Variants in EIF4G3 observed in about 807,000 individuals in gnomAD.
EIF4G3 encodes the protein eIF-4-gamma 3.
EIF4G3 carries 34 observed loss-of-function variants against 186.4 expected under a neutral mutation model. The ratio of observed to expected loss-of-function variants is 0.18; its 90% CI spans 0.14 to 0.24. EIF4G3 has a LOEUF of 0.24. Among genes scored for constraint, EIF4G3 ranks in the 10% least tolerant of loss-of-function variants. The pLI, the probability that EIF4G3 is intolerant of heterozygous loss-of-function variation, is 1.00. For synonymous variants in EIF4G3, 673 were observed against 679.5 expected, an observed-to-expected ratio of 0.99 and a Z score of 0.15; for missense variants, 1,536 against 1,948.5, an observed-to-expected ratio of 0.79 and a Z score of 3.99.
chr1:20,946,133 G>T (rs1349135454), intron 13 of EIF4G3, among the ~76,000 whole-genome samples: 1 of 152,184 alleles, frequency 6.6e-6, no homozygotes, highest in Admixed American at 6.5e-5. Context: ...TGAGCATCCT[G>T]CAATTTGAGG....
intron 9 of EIF4G3, 95 bp downstream of exon 9, chr1:20,980,953 T>C (rs2077824989): frequency 1.9e-6 from 2 of 1,051,818 alleles, no homozygotes; most frequent in African/African-American, 3.2e-5. Flanking sequence ...CACCGAAAAC[T>C]AATACCACAA....
At chr1:21,093,033 G>A (rs2101471076) in intron 2 of EIF4G3, among the ~76,000 whole-genome samples, 1 of 152,274 alleles carries the variant, frequency 6.6e-6, no homozygotes, top group South Asian at 2.1e-4. Context: ...TCAGGACACA[G>A]GCATGGGCAA....
At chr1:21,025,182 T>C (rs1316321527) in intron 4 of EIF4G3, among the ~76,000 whole-genome samples, 2 of 152,014 alleles carry the variant, frequency 1.3e-5, no homozygotes, top group African/African-American at 4.8e-5. Context: ...TAGAAGTGCA[T>C]GAGGTAGAGT....
At chr1:21,068,394 A>AAAAAAAAAAAAAAAAAAAC (rs1572033310) in intron 3 of EIF4G3, among the ~76,000 whole-genome samples, 1 of 149,638 alleles carries the variant, frequency 6.7e-6, no homozygotes, top group Non-Finnish European at 1.5e-5. Context: ...AAAAAAAAAA[A>AAAAAAAAAAAAAAAAAAAC]AAAAAACAGA....
intron 10 of EIF4G3, among the ~76,000 whole-genome samples, chr1:20,976,162 TTTTATTTTA>T (rs2154566160): frequency 6.7e-6 from 1 of 149,838 alleles, no homozygotes; most frequent in East Asian, 2.1e-4. Context: ...TGGTTTGTAT[TTTTATTTTA>T]TTTATTTATT....
intron 12 of EIF4G3, among the ~76,000 whole-genome samples, chr1:20,957,349 TGATAC>T (rs1273130375): frequency 6.6e-6 from 1 of 152,104 alleles, no homozygotes. Flanking sequence ...ATGATAATAA[TGATAC>T]AAGTTATCAA....
intron 2 of EIF4G3, among the ~76,000 whole-genome samples, chr1:21,139,437 A>C (rs10799685): frequency 0.6 from 90,586 of 151,732 alleles, 27,352 homozygotes; most frequent in East Asian, 0.76. Context: ...CCTGGGTGAC[A>C]GAGTGAGACC....
At chr1:20,883,133 A>G (rs1344639068) in intron 19 of EIF4G3, among the ~76,000 whole-genome samples, 1 of 152,160 alleles carries the variant, frequency 6.6e-6, no homozygotes, top group Non-Finnish European at 1.5e-5. Flanking sequence ...GATGTCCAGT[A>G]AATTCTGTGT....
intron 2 of EIF4G3, among the ~76,000 whole-genome samples, chr1:21,122,845 A>G (rs1252677847): frequency 5.3e-5 from 8 of 152,230 alleles, no homozygotes; most frequent in African/African-American, 1.9e-4. Context: ...TATACTAGTA[A>G]TAATGCTGTT....
At chr1:21,116,909 A>G (rs1330272799) in intron 2 of EIF4G3, among the ~76,000 whole-genome samples, 2 of 151,876 alleles carry the variant, frequency 1.3e-5, no homozygotes. Context: ...TATTATTTTT[A>G]TAATTTTCCA....
rs542549724 is a variant in EIF4G3 at position 20,913,857 on chromosome 1, A to C, written c.1664-8886T>G. On this transcript the variant is annotated intron_variant, in intron 14 of 36. Coordinates refer to ENST00000602326, the MANE Select transcript of EIF4G3 (RefSeq NM_001391906.1). Reference sequence around the variant, plus strand: ...AGTCTTGCTCTGTCACCCAGCCTGGAGTGCAGTGGTGCGATCTCGGCTCAC... The same window carrying C: ...AGTCTTGCTCTGTCACCCAGCCTGGCGTGCAGTGGTGCGATCTCGGCTCAC... Among the ~76,000 whole-genome samples the C allele has an allele frequency of 1.0e-4, 13 of 125,332 alleles. No individual in the cohort carries two copies. In the Admixed American group the frequency reaches 1.3e-3, roughly 13 times the overall value. The allele number at this position is 125,332 out of a possible 152,430, so 82.2% of individuals were successfully genotyped here.
At chr1:21,054,139 G>C (rs915930798) in intron 3 of EIF4G3, among the ~76,000 whole-genome samples, 1 of 151,910 alleles carries the variant, frequency 6.6e-6, no homozygotes, top group Non-Finnish European at 1.5e-5. Context: ...AAATTCTTCT[G>C]CCTTGGGATC....
At chr1:20,913,746 G>T (rs1572694045) in intron 14 of EIF4G3, among the ~76,000 whole-genome samples, 1 of 144,772 alleles carries the variant, frequency 6.9e-6, no homozygotes, top group Admixed American at 6.8e-5. Flanking sequence ...CTTTTTCTGT[G>T]TTTGTTCTTC....
chr1:21,000,413 G>C (rs994456567), intron 6 of EIF4G3, among the ~76,000 whole-genome samples: 7 of 151,888 alleles, frequency 4.6e-5, no homozygotes, highest in African/African-American at 1.7e-4. Context: ...AAATAGAATG[G>C]AGTAAGCTTT....
intron 2 of EIF4G3, among the ~76,000 whole-genome samples, chr1:21,096,809 C>CTA (rs537977689): frequency 6.6e-6 from 1 of 152,234 alleles, no homozygotes; most frequent in South Asian, 2.1e-4. Context: ...ATGGGTATAA[C>CTA]TATAAGATTT....
intron 3 of EIF4G3, among the ~76,000 whole-genome samples, chr1:21,079,478 G>C (rs552609443): frequency 6.7e-6 from 1 of 149,806 alleles, no homozygotes; most frequent in Non-Finnish European, 1.5e-5. Flanking sequence ...GACCAGCCTG[G>C]GCAACATAAT....
chr1:20,888,239 A>G (rs1182313168), intron 18 of EIF4G3, among the ~76,000 whole-genome samples: 3 of 152,192 alleles, frequency 2.0e-5, no homozygotes, highest in Admixed American at 2.0e-4. Context: ...AGCAACAGAG[A>G]GACGTGAGAA....
intron 3 of EIF4G3, among the ~76,000 whole-genome samples, chr1:21,082,046 T>C (rs2095805814): frequency 6.6e-6 from 1 of 151,386 alleles, no homozygotes; most frequent in African/African-American, 2.4e-5. Flanking sequence ...TCCCACCACC[T>C]TGGCCTCCCA....
Position 20,862,319 on chromosome 1 carries a change from T to G in EIF4G3, c.3020A>C (p.Gln1007Pro). The G allele has an allele frequency of 1.2e-6, 2 of 1,607,796 alleles. No homozygotes were observed. Among genetic ancestry groups the G allele is most frequent in the Non-Finnish European group, 1.7e-6 (2 of 1,176,536 alleles). Residue 1007 changes from glutamine to proline, a missense_variant, in exon 23 of 37, where the codon CAG becomes CCG. By Grantham distance (76) the Gln-to-Pro change is moderately conservative. Around this residue, in one of 11 missense-constraint regions of EIF4G3, gnomAD observed 110 missense variants for 166.2 expected, o/e 0.66. Coordinates refer to ENST00000602326, the MANE Select transcript of EIF4G3 (RefSeq NM_001391906.1). ...DFEKAKPRMD[Q>P]YFNQMEKIVK... ...AATTTTCTCCATCTGATTAAAGTACTGGTCCATACGTGGCTGCAAGAGACA... is the reference window on the plus strand; with the variant it reads ...AATTTTCTCCATCTGATTAAAGTACGGGTCCATACGTGGCTGCAAGAGACA...
Sources: allele counts gnomAD v4.1 joint callset (sites outside exome capture counted in the v4.1 genomes callset), GRCh38; gene constraint gnomAD v4.1.1; regional missense constraint gnomAD v4.1.1; transcripts MANE v1.5; gene names NCBI Gene and HGNC (gene_info 2026-07-23, HGNC 2026-07-21).